Variants in PDE4D observed in about 807,000 individuals in gnomAD.
The protein encoded by PDE4D is phosphodiesterase 4D, also known as 3',5'-cyclic-AMP phosphodiesterase 4D.
Under a neutral mutation model 87.4 loss-of-function variants are expected in PDE4D, and 24 were observed. The observed-to-expected ratio is 0.27, with a 90% CI of 0.20 to 0.39. PDE4D has a LOEUF of 0.39. Among genes scored for constraint, PDE4D ranks in the 10% least tolerant of loss-of-function variants. The pLI is 1.00. For synonymous variants in PDE4D, 384 were observed against 383.2 expected, an observed-to-expected ratio of 1.00 and a Z score of -0.02; for missense variants, 714 against 1,041.0, an observed-to-expected ratio of 0.69 and a Z score of 4.32.
At chr5:60,338,659 A>G (rs970168857) in intron 1 of PDE4D, among the ~76,000 whole-genome samples, 4 of 152,122 alleles carry the variant, frequency 2.6e-5, no homozygotes, top group Non-Finnish European at 5.9e-5. Flanking sequence ...CGAGGTATGG[A>G]AGTGCTTGTG....
intron 1 of PDE4D, among the ~76,000 whole-genome samples, chr5:59,686,194 A>G (rs80088921): frequency 6.6e-6 from 1 of 152,196 alleles, no homozygotes; most frequent in African/African-American, 2.4e-5. Flanking sequence ...CTAAGCAAGA[A>G]CTATGATTTA....
At chr5:59,714,005 G>A (rs1754614025) in intron 1 of PDE4D, among the ~76,000 whole-genome samples, 1 of 152,168 alleles carries the variant, frequency 6.6e-6, no homozygotes, top group South Asian at 2.1e-4. Flanking sequence ...GCATAGGGTT[G>A]GAAAGGGAGT....
At chr5:60,112,199 A>C (rs1245500841) in intron 2 of PDE4D, among the ~76,000 whole-genome samples, 4 of 152,174 alleles carry the variant, frequency 2.6e-5, no homozygotes, top group African/African-American at 9.7e-5. Flanking sequence ...ATTTCATTAA[A>C]AAACTGATTA....
intron 5 of PDE4D, among the ~76,000 whole-genome samples, chr5:59,172,464 G>C (rs1221180776): frequency 6.8e-6 from 1 of 147,698 alleles, no homozygotes; most frequent in Non-Finnish European, 1.5e-5. Flanking sequence ...GGAGGCCAAG[G>C]TGGGCAGATT....
At chr5:60,433,277 T>C (rs1744502741) in intron 1 of PDE4D, among the ~76,000 whole-genome samples, 1 of 152,044 alleles carries the variant, frequency 6.6e-6, no homozygotes, top group African/African-American at 2.4e-5. Flanking sequence ...CAAAGACACT[T>C]TTCAAAATAA....
At chr5:59,644,259 T>C (rs1742092751) in intron 1 of PDE4D, among the ~76,000 whole-genome samples, 1 of 152,226 alleles carries the variant, frequency 6.6e-6, no homozygotes, top group Non-Finnish European at 1.5e-5. Flanking sequence ...AAATAGTACC[T>C]TGGCAGCCAG....
At chr5:59,782,244 A>T (rs545055380) in intron 1 of PDE4D, among the ~76,000 whole-genome samples, 1 of 152,156 alleles carries the variant, frequency 6.6e-6, no homozygotes, top group Non-Finnish European at 1.5e-5. Flanking sequence ...TTTTCTAAGA[A>T]CTATGTTGTT....
rs1289869155 is a variant in PDE4D, at chr5:59,874,637, C to A, written c.455+18531G>T. On this transcript the variant is annotated intron_variant, in intron 1 of 14. Transcript: ENST00000340635. ...AATATTATATGTAAAAAAGAACCAGCAATACTGTACCCTTTCCTCACACAA... is the reference window on the plus strand; with the variant it reads ...AATATTATATGTAAAAAAGAACCAGAAATACTGTACCCTTTCCTCACACAA... 3.3e-5 allele frequency among the ~76,000 whole-genome samples: 5 copies of A among 152,240 alleles called. No individual in the cohort carries two copies. In the East Asian group the frequency reaches 7.7e-4, roughly 24 times the overall value.
chr5:60,242,496 T>A (rs1747241848), intron 1 of PDE4D, among the ~76,000 whole-genome samples: 1 of 152,144 alleles, frequency 6.6e-6, no homozygotes, highest in South Asian at 2.1e-4. Flanking sequence ...TTACAGGACA[T>A]TTCATCCAAT....
intron 1 of PDE4D, among the ~76,000 whole-genome samples, chr5:59,502,034 C>A (rs991817225): frequency 6.6e-6 from 1 of 152,126 alleles, no homozygotes; most frequent in African/African-American, 2.4e-5. Context: ...TCCTTTGCCT[C>A]CTTTCACTAG....
At chr5:59,326,476 G>A (rs1213581457) in intron 1 of PDE4D, among the ~76,000 whole-genome samples, 1 of 151,474 alleles carries the variant, frequency 6.6e-6, no homozygotes, top group East Asian at 1.9e-4. Context: ...CTTAAAATAT[G>A]GCTAGTCCAA....
At chr5:59,755,650 T>G (rs1761111544) in intron 1 of PDE4D, among the ~76,000 whole-genome samples, 1 of 152,094 alleles carries the variant, frequency 6.6e-6, no homozygotes, top group Admixed American at 6.6e-5. Context: ...AATCATACGC[T>G]GTTCTATTTG....
At chr5:60,411,143 T>C (rs1409321084) in intron 1 of PDE4D, among the ~76,000 whole-genome samples, 2 of 152,216 alleles carry the variant, frequency 1.3e-5, no homozygotes, top group Non-Finnish European at 2.9e-5. Context: ...TGGTAAGTTC[T>C]AATTTTTTCA....
At chr5:60,421,325 C>T (rs189877069) in intron 1 of PDE4D, among the ~76,000 whole-genome samples, 11 of 152,292 alleles carry the variant, frequency 7.2e-5, no homozygotes, top group Admixed American at 3.3e-4. Context: ...CCCTCTAGCA[C>T]GAAGCTTATG....
intron 1 of PDE4D, among the ~76,000 whole-genome samples, chr5:59,292,675 C>T (rs1313193715): frequency 6.6e-6 from 1 of 152,066 alleles, no homozygotes; most frequent in Non-Finnish European, 1.5e-5. Context: ...TAATCTTATG[C>T]TTTGAACATT....
chr5:59,855,771 G>C (rs1400562629), intron 1 of PDE4D, among the ~76,000 whole-genome samples: 1 of 152,134 alleles, frequency 6.6e-6, no homozygotes, highest in African/African-American at 2.4e-5. Flanking sequence ...TGAAAAGAAA[G>C]AGCATTTCTT....
At chr5:59,030,721 AC>A (rs1216561334) in intron 6 of PDE4D, among the ~76,000 whole-genome samples, 1 of 152,146 alleles carries the variant, frequency 6.6e-6, no homozygotes, top group East Asian at 1.9e-4. Context: ...AAAGAGCAAG[AC>A]CCTGTCTCAA....
intron 2 of PDE4D, among the ~76,000 whole-genome samples, chr5:60,074,073 G>T (rs553402370): frequency 1.1e-4 from 16 of 151,764 alleles, no homozygotes; most frequent in African/African-American, 3.6e-4. Flanking sequence ...ATAGTTTTGG[G>T]GTTGGTTTAC....
intron 1 of PDE4D, chr5:59,768,506 C>A (rs1445486915): frequency 6.3e-7 from 1 of 1,598,152 alleles, no homozygotes; most frequent in Non-Finnish European, 8.5e-7. Flanking sequence ...GTCTGCTGAG[C>A]CATTTTCCTG....
Sources: allele counts gnomAD v4.1 joint callset (sites outside exome capture counted in the v4.1 genomes callset), GRCh38; gene constraint gnomAD v4.1.1; transcripts MANE v1.5; gene names NCBI Gene and HGNC (gene_info 2026-07-23, HGNC 2026-07-21).